Variants in EMC3 observed in about 807,000 individuals in gnomAD.
EMC3 encodes 30 kDa protein.
A neutral mutation model predicts 36.6 loss-of-function variants in EMC3; 13 were observed. The ratio of observed to expected loss-of-function variants is 0.35; its 90% CI spans 0.23 to 0.56. EMC3 has a LOEUF of 0.56. Among genes scored for constraint, EMC3 ranks in the 20% least tolerant of loss-of-function variants. EMC3 has a pLI of 0.84. For synonymous variants in EMC3, 120 were observed against 111.9 expected (o/e 1.07, Z -0.46); for missense variants, 220 against 324.5 (o/e 0.68, Z 2.47).
chr3:9,965,295 G>A (rs1026028958), intron 7 of EMC3, among the ~76,000 whole-genome samples: 1 of 151,746 alleles, frequency 6.6e-6, no homozygotes, highest in African/African-American at 2.4e-5. Flanking sequence ...CTGTAGTACT[G>A]GCTTCTCGTG....
chr3:9,991,826 T>C (rs1197361805), upstream of EMC3, among the ~76,000 whole-genome samples: 6 of 152,204 alleles, frequency 3.9e-5, no homozygotes, highest in Non-Finnish European at 7.3e-5. Context: ...CACAGACCGT[T>C]TCGGGGCATG....
At chr3:9,964,591 T>A (rs1366139426) in intron 7 of EMC3, among the ~76,000 whole-genome samples, 1 of 152,244 alleles carries the variant, frequency 6.6e-6, no homozygotes, top group African/African-American at 2.4e-5. Flanking sequence ...TAGTGCAGAT[T>A]CTCAGCTCTT....
chr3:9,981,321 A>G (rs898579477), intron 1 of EMC3, among the ~76,000 whole-genome samples: 1 of 152,196 alleles, frequency 6.6e-6, no homozygotes, highest in African/African-American at 2.4e-5. Context: ...AAATTCATCT[A>G]AATCTCCTAC....
At chr3:10,003,019 G>C (rs1360299176) in intron 1 of EMC3, 1 of 454,568 alleles carries the variant, frequency 2.2e-6, no homozygotes, top group African/African-American at 2.0e-5. Flanking sequence ...CAGTGGTGGA[G>C]ACCCAGAAAC....
intron 1 of EMC3, chr3:10,000,840 G>T (rs887045711): frequency 8.2e-6 from 4 of 489,680 alleles, no homozygotes; most frequent in East Asian, 5.9e-5. Context: ...TCTTCCGCCC[G>T]AAGAGACCTT....
chr3:10,000,681 C>A, intron 1 of EMC3: 1 of 476,360 alleles, frequency 2.1e-6, no homozygotes, highest in South Asian at 1.5e-5. Flanking sequence ...ATCAAGCCTG[C>A]CCTTTCTGCC....
chr3:9,988,858 C>G (rs1575689188), upstream of EMC3: 7 of 748,386 alleles, frequency 9.4e-6, no homozygotes, highest in East Asian at 1.9e-4. Flanking sequence ...ACTCTTCTCT[C>G]TCTTCCCTAG....
upstream of EMC3, chr3:9,988,018 C>T: frequency 1.2e-6 from 1 of 815,660 alleles, no homozygotes; most frequent in East Asian, 2.7e-5. Context: ...GTAAAGAGCT[C>T]ATGGATAATT....
rs2085700412 is a variant in EMC3 at position 9,962,738 on chromosome 3, G to C, written c.*1331C>G. Reference sequence around the variant, plus strand: ...GTCGAGTCGTTTGTTCTTAATTACTGCACTCAACATGCAAATTATATTCAC... The same window carrying C: ...GTCGAGTCGTTTGTTCTTAATTACTCCACTCAACATGCAAATTATATTCAC... On this transcript the variant is annotated 3_prime_UTR_variant, in exon 8 of 8. Coordinates refer to ENST00000245046, the MANE Select transcript of EMC3 (RefSeq NM_001394674.1). 1 of 149,348 alleles carries C rather than the reference G, an allele frequency of 6.7e-6. No individual in the cohort carries two copies. The allele number at this position is 149,348 out of a possible 1,614,324, so 9.3% of individuals were successfully genotyped here. A position where few individuals can be genotyped will look rare whatever the true frequency, so the allele number is the denominator to read the frequency against.
chr3:10,007,380 T>C (rs776373070), intron 1 of EMC3: 7 of 1,365,128 alleles, frequency 5.1e-6, no homozygotes, highest in African/African-American at 1.5e-5. Context: ...CCTGAAGCCC[T>C]GGGAACCAGA....
chr3:9,999,817 A>G (rs968636385), intron 1 of EMC3, among the ~76,000 whole-genome samples: 3 of 152,314 alleles, frequency 2.0e-5, no homozygotes, highest in African/African-American at 7.2e-5. Flanking sequence ...ATCATGTATA[A>G]AATGTGAGAA....
At chr3:9,987,213 CAAAAAAAA>C (rs386395927), upstream of EMC3, 3 of 829,588 alleles carry the variant, frequency 3.6e-6, no homozygotes, top group South Asian at 1.2e-4. Flanking sequence ...GACTCCGTCT[CAAAAAAAA>C]AAAAAAAAAA....
At chr3:9,974,688 A>G (rs2085825543) in intron 3 of EMC3, among the ~76,000 whole-genome samples, 200 bp from the exon 4 acceptor site, 1 of 151,258 alleles carries the variant, frequency 6.6e-6, no homozygotes, top group Non-Finnish European at 1.5e-5. Context: ...CCTCCCGAGT[A>G]GATGGGACTA....
chr3:9,999,334 C>G (rs557670773), intron 1 of EMC3, among the ~76,000 whole-genome samples: 1 of 151,438 alleles, frequency 6.6e-6, no homozygotes, highest in African/African-American at 2.4e-5. Flanking sequence ...CTCTACCTTG[C>G]GGGTTCAGAC....
upstream of EMC3, chr3:9,987,840 G>C: frequency 3.2e-6 from 2 of 632,274 alleles, no homozygotes; most frequent in East Asian, 3.3e-5. Flanking sequence ...TCATGGTTGA[G>C]AGACTGGACT....
At chr3:9,972,426 A>G (rs2085794899) in intron 5 of EMC3, among the ~76,000 whole-genome samples, 1 of 151,076 alleles carries the variant, frequency 6.6e-6, no homozygotes, top group South Asian at 2.1e-4. Context: ...AAAAGTTGCC[A>G]TAAACCACCC....
Position 10,007,250 on chromosome 3 carries a change from C to A in EMC3, c.-242+3773G>T, listed in dbSNP as rs145441832. 1,239 of 1,176,876 alleles carry A rather than the reference C, an allele frequency of 1.1e-3. 14 individuals are homozygous for A. In the African/African-American group the frequency reaches 0.018, roughly 17 times the overall value. The allele number at this position is 1,176,876 out of a possible 1,614,324, so 72.9% of individuals were successfully genotyped here. A position where few individuals can be genotyped will look rare whatever the true frequency, so the allele number is the denominator to read the frequency against. ...TCTGAGCAGGTGCAGGGTAGAGTCCCACACATTGTTCATGGCTTCCCCACA... is the reference window on the plus strand; with the variant it reads ...TCTGAGCAGGTGCAGGGTAGAGTCCAACACATTGTTCATGGCTTCCCCACA... On this transcript the variant is annotated intron_variant, in intron 1 of 8. Coordinates refer to the EMC3 transcript ENST00000470827.
intron 1 of EMC3, among the ~76,000 whole-genome samples, chr3:10,001,495 G>A (rs556022964): frequency 7.9e-5 from 12 of 150,988 alleles, no homozygotes; most frequent in Middle Eastern, 3.4e-3. Flanking sequence ...GGAGAATGGC[G>A]TGAACCTGGG....
intron 1 of EMC3, among the ~76,000 whole-genome samples, chr3:9,982,326 C>G (rs944585618): frequency 1.3e-5 from 2 of 152,046 alleles, no homozygotes; most frequent in Non-Finnish European, 2.9e-5. Context: ...ATGATCTCGG[C>G]TCACTGCAAC....
Sources: allele counts gnomAD v4.1 joint callset (sites outside exome capture counted in the v4.1 genomes callset), GRCh38; gene constraint gnomAD v4.1.1; transcripts MANE v1.5; gene names NCBI Gene and HGNC (gene_info 2026-07-23, HGNC 2026-07-21).